STK38L: variants seen among roughly 807,000 people sequenced by gnomAD.
STK38L encodes serine/threonine kinase 38 like, also known as serine/threonine-protein kinase 38-like.
Under a neutral mutation model 59.7 loss-of-function variants are expected in STK38L, and 28 were observed. That is an observed-to-expected ratio of 0.47 (90% CI 0.35 to 0.64). The LOEUF (loss-of-function observed/expected upper bound fraction) is 0.64, where lower values mean the gene tolerates loss of function less well. STK38L is among the 30% of genes least tolerant of loss of function. The pLI, the probability that STK38L is intolerant of heterozygous loss-of-function variation, is 0.01. For synonymous variants in STK38L, 162 were observed against 176.8 expected, an observed-to-expected ratio of 0.92 and a Z score of 0.66; for missense variants, 314 against 555.8, an observed-to-expected ratio of 0.56 and a Z score of 4.37.
chr12:27,254,081 A>G (rs1943035419), intron 1 of STK38L, among the ~76,000 whole-genome samples: 1 of 152,212 alleles, frequency 6.6e-6, no homozygotes, highest in Non-Finnish European at 1.5e-5. Context: ...TAAATCCACT[A>G]AAATCCTTTT....
chr12:27,295,378 T>C (rs1943992882), intron 1 of STK38L, among the ~76,000 whole-genome samples: 1 of 152,232 alleles, frequency 6.6e-6, no homozygotes, highest in Admixed American at 6.5e-5. Flanking sequence ...AAGGGTGTTC[T>C]GGTGATTTGA....
At chr12:27,312,089 C>T (rs543021836) in intron 5 of STK38L, among the ~76,000 whole-genome samples, 1 of 152,292 alleles carries the variant, frequency 6.6e-6, no homozygotes, top group East Asian at 1.9e-4. Context: ...CCGTTTTAGC[C>T]AGGATGGTCT....
At chr12:27,267,800 G>A (rs1010645539) in intron 1 of STK38L, among the ~76,000 whole-genome samples, 1 of 151,890 alleles carries the variant, frequency 6.6e-6, no homozygotes, top group Admixed American at 6.6e-5. Flanking sequence ...ATCTCTTTGG[G>A]GTTTTAATGT....
Position 27,308,609 on chromosome 12 carries a change from G to T in STK38L, c.309+148G>T. On this transcript the variant is annotated intron_variant, in intron 4 of 13. Coordinates refer to ENST00000389032, the MANE Select transcript of STK38L (RefSeq NM_015000.4). This position sits in a 1 kb window ranked among gnomAD's most constrained non-coding sequence, Gnocchi z 4.5. ...GGAGGCCGAGGCGGGTGGATCGCCT[G>T]AGGTCAGGAGTTCGAGACCAGCCTG... is the stretch of plus-strand genomic sequence containing the variant. The T allele has an allele frequency of 1.2e-6, 1 of 800,708 alleles. No homozygotes were observed. Among genetic ancestry groups the T allele is most frequent in the Non-Finnish European group, 1.6e-6 (1 of 613,306 alleles). 49.6% of individuals were successfully genotyped at this position (800,708 alleles called of 1,614,324 possible).
chr12:27,276,409 GC>G (rs1278431356), intron 1 of STK38L, among the ~76,000 whole-genome samples: 1 of 152,110 alleles, frequency 6.6e-6, no homozygotes, highest in Non-Finnish European at 1.5e-5. Flanking sequence ...AAATCTGGCA[GC>G]CTGTCCCTGT....
At chr12:27,261,918 T>A (rs900118355) in intron 1 of STK38L, among the ~76,000 whole-genome samples, 39 of 152,226 alleles carry the variant, frequency 2.6e-4, no homozygotes, top group Non-Finnish European at 3.8e-4. Context: ...TATTAACTAA[T>A]ACAGTATATA....
chr12:27,251,047 C>G (rs1036860808), intron 1 of STK38L, among the ~76,000 whole-genome samples: 2 of 150,918 alleles, frequency 1.3e-5, no homozygotes, highest in Non-Finnish European at 3.0e-5. Context: ...GGTTTGCTCT[C>G]TCTTACATTG....
At chr12:27,317,042 C>G (rs1302772792) in intron 9 of STK38L, among the ~76,000 whole-genome samples, 2 of 152,082 alleles carry the variant, frequency 1.3e-5, no homozygotes, top group East Asian at 3.8e-4. Flanking sequence ...ATGATATATT[C>G]TTATAAAATG....
chr12:27,292,931 A>G (rs1417149499), intron 1 of STK38L, among the ~76,000 whole-genome samples: 1 of 152,010 alleles, frequency 6.6e-6, no homozygotes, highest in African/African-American at 2.4e-5. Flanking sequence ...ATGTATTTCT[A>G]TACTGTTGGG....
Position 27,308,358 on chromosome 12 carries a change from A to G in STK38L, c.206A>G (p.Gln69Arg). 6.3e-7 allele frequency: 1 copy of G among 1,592,638 alleles called. No homozygotes were observed. Among genetic ancestry groups the G allele is most frequent in the Non-Finnish European group, 8.6e-7 (1 of 1,169,052 alleles). ...TAATAGAAAAAGTTACGTCGATCAC[A>G]ACACGCTCGCAAAGAAACAGAGTTC... ...ADEEKKLRRS[Q>R]HARKETEFLR... The change falls in exon 4 of 14, where the codon CAA (glutamine) becomes CGA (arginine). Residue 69 changes from glutamine (Q) to arginine (R), a missense_variant. Around this residue, in one of 3 missense-constraint regions of STK38L, gnomAD observed 192 missense variants for 316.9 expected, o/e 0.61. Coordinates refer to ENST00000389032, the MANE Select transcript of STK38L (RefSeq NM_015000.4). The surrounding 1 kb of genome is among the most constrained non-coding windows in gnomAD (Gnocchi z 4.5).
At chr12:27,299,512 A>C in intron 2 of STK38L, among the ~76,000 whole-genome samples, 1 of 152,242 alleles carries the variant, frequency 6.6e-6, no homozygotes, top group Non-Finnish European at 1.5e-5. Flanking sequence ...TTAAATGGTA[A>C]GTAGGTGGAT....
intron 3 of STK38L, among the ~76,000 whole-genome samples, chr12:27,305,912 G>C (rs1944299269): frequency 6.6e-6 from 1 of 152,158 alleles, no homozygotes; most frequent in East Asian, 1.9e-4. Context: ...CAAGGATACT[G>C]TTTGTCTTTC....
intron 1 of STK38L, among the ~76,000 whole-genome samples, chr12:27,259,148 A>G (rs1943150920): frequency 6.6e-6 from 1 of 152,200 alleles, no homozygotes; most frequent in South Asian, 2.1e-4. Flanking sequence ...ACTGTTTTAT[A>G]ATCATCTAGG....
chr12:27,280,023 G>GAC (rs1943620055), intron 1 of STK38L, among the ~76,000 whole-genome samples: 1 of 152,152 alleles, frequency 6.6e-6, no homozygotes, highest in South Asian at 2.1e-4. Context: ...GAACTGTAAA[G>GAC]ATCAAAGAAC....
intron 1 of STK38L, among the ~76,000 whole-genome samples, chr12:27,282,340 A>G (rs1208867663): frequency 6.6e-6 from 1 of 152,192 alleles, no homozygotes; most frequent in Non-Finnish European, 1.5e-5. Flanking sequence ...TTATGGTATG[A>G]TATCAGCTAT....
rs1943255179 is a variant in STK38L, at chr12:27,264,052, G to A, written c.-12+19720G>A. Among the ~76,000 whole-genome samples, 4 of 152,348 alleles carry A rather than the reference G, an allele frequency of 2.6e-5. No homozygotes were observed. The South Asian group carries it at 8.3e-4, about 32-fold the overall frequency. On this transcript the variant is annotated intron_variant, in intron 1 of 13. Coordinates refer to ENST00000389032, the MANE Select transcript of STK38L (RefSeq NM_015000.4). ...GTTGATTATGGTATGTCTTCTCGTT[G>A]ATGAGGGAGGAGACTGGTGAATAGT...
chr12:27,279,612 A>G (rs547896381), intron 1 of STK38L, among the ~76,000 whole-genome samples: 1 of 151,550 alleles, frequency 6.6e-6, no homozygotes, highest in African/African-American at 2.4e-5. Flanking sequence ...TGTAATCCCA[A>G]CTACTCAGGA....
rs1357529480 is a variant in STK38L, at chr12:27,317,846, T to C, written c.956-50T>C. On this transcript the variant is annotated intron_variant, in intron 10 of 13. Transcript: ENST00000389032. ...TCGCACATGTTTGGTGGGTATAAAC[T>C]TCACTGCTCACAAAGCTGATGAAAC... 2.5e-6 allele frequency: 4 copies of C among 1,608,096 alleles called. No individual in the cohort carries two copies. In the Admixed American group the frequency reaches 5.1e-5, roughly 21 times the overall value.
At position 27,304,925 on chromosome 12, in the gene STK38L, A is replaced by T. The variant is rs1425694464; in HGVS notation, c.186+2737A>T. 8.6e-5 allele frequency among the ~76,000 whole-genome samples: 13 copies of T among 152,040 alleles called. 1 individual carries two copies. Among genetic ancestry groups the T allele is most frequent in the African/African-American group, 2.9e-4 (12 of 41,386 alleles). On this transcript the variant is annotated intron_variant, in intron 3 of 13. Transcript: ENST00000389032. ...TGCTTCCACAAAGAAATAGATTAAT[A>T]TTTTTCCTTTTTAAAAAATATTATT...
Sources: allele counts gnomAD v4.1 joint callset (sites outside exome capture counted in the v4.1 genomes callset), GRCh38; gene constraint gnomAD v4.1.1; regional missense constraint gnomAD v4.1.1; non-coding constraint Gnocchi (gnomAD v3.1); transcripts MANE v1.5; gene names NCBI Gene and HGNC (gene_info 2026-07-23, HGNC 2026-07-21).